XPR1: variants seen among roughly 807,000 people sequenced by gnomAD.
XPR1 encodes xenotropic and polytropic retrovirus receptor 1.
XPR1 carries 28 observed loss-of-function variants against 87.5 expected under a neutral mutation model. The observed-to-expected ratio is 0.32, with a 90% CI of 0.24 to 0.44. XPR1 has a LOEUF of 0.44. Ranked by LOEUF, XPR1 falls within the 20% of genes least tolerant of loss-of-function variation. The probability of loss-of-function intolerance (pLI) is 1.00; values close to 1 mark genes in which losing one functional copy is unlikely to be tolerated. For synonymous variants in XPR1, 300 were observed against 306.1 expected (o/e 0.98, Z 0.21); for missense variants, 559 against 862.3 (o/e 0.65, Z 4.41).
At chr1:180,773,286 A>C (rs1418748956) in intron 2 of XPR1, among the ~76,000 whole-genome samples, 3 of 152,172 alleles carry the variant, frequency 2.0e-5, no homozygotes, top group Non-Finnish European at 4.4e-5. Flanking sequence ...TCATGTATTA[A>C]GGTCCAGAGA....
Position 180,824,922 on chromosome 1 carries a change from G to A in XPR1, c.933G>A (p.Leu311=), listed in dbSNP as rs751413034. The change falls in exon 8 of 15, where the codon TTG becomes TTA. Residue 311 remains leucine (L), a synonymous_variant. Transcript: ENST00000367590. ...LIFELNPRSN[L]SHQHLFEIAG... is the part of the protein sequence containing the mutation. Reference sequence around the variant, plus strand: ...TTGAACTTAATCCGAGAAGCAATTTGTCTCATCAACATCTCTTTGAGGTAA... The same window carrying A: ...TTGAACTTAATCCGAGAAGCAATTTATCTCATCAACATCTCTTTGAGGTAA... The A allele has an allele frequency of 4.3e-6, 7 of 1,613,540 alleles. No individual in the cohort carries two copies. The African/African-American group carries it at 8.0e-5, about 18-fold the overall frequency.
intron 6 of XPR1, among the ~76,000 whole-genome samples, chr1:180,809,539 TTAAG>T (rs1470516988): frequency 6.6e-6 from 1 of 152,188 alleles, no homozygotes; most frequent in Non-Finnish European, 1.5e-5. Context: ...ATTCTATACT[TTAAG>T]TATGTGCAAT....
chr1:180,842,007 T>C (rs757378381), intron 11 of XPR1, among the ~76,000 whole-genome samples: 1 of 152,208 alleles, frequency 6.6e-6, no homozygotes, highest in Non-Finnish European at 1.5e-5. Flanking sequence ...ATTTGATTTC[T>C]GTTATTTTCT....
intron 2 of XPR1, among the ~76,000 whole-genome samples, chr1:180,712,975 T>C (rs570430009): frequency 6.6e-6 from 1 of 151,098 alleles, no homozygotes; most frequent in Admixed American, 6.6e-5. Flanking sequence ...TTTTGTCTAT[T>C]CTAGGTCCTT....
At chr1:180,665,732 G>C (rs1012268262) in intron 1 of XPR1, among the ~76,000 whole-genome samples, 2 of 152,182 alleles carry the variant, frequency 1.3e-5, no homozygotes, top group Admixed American at 6.5e-5. Context: ...CACACTGCTG[G>C]GGTTTGGGGG....
At chr1:180,863,114 T>C (rs1275464576) in intron 11 of XPR1, among the ~76,000 whole-genome samples, 1 of 152,122 alleles carries the variant, frequency 6.6e-6, no homozygotes, top group East Asian at 1.9e-4. Flanking sequence ...AGCTAAAATA[T>C]CATACTTTGC....
chr1:180,753,346 C>T (rs1364671932), intron 2 of XPR1, among the ~76,000 whole-genome samples: 1 of 152,026 alleles, frequency 6.6e-6, no homozygotes, highest in Non-Finnish European at 1.5e-5. Context: ...TGGCGAATCG[C>T]TTGAACTCGG....
intron 3 of XPR1, among the ~76,000 whole-genome samples, chr1:180,797,889 G>A (rs974614067): frequency 6.6e-6 from 1 of 152,076 alleles, no homozygotes; most frequent in Non-Finnish European, 1.5e-5. Context: ...TTACTGAAAC[G>A]CTAAGGGCAT....
intron 1 of XPR1, among the ~76,000 whole-genome samples, chr1:180,656,768 C>G (rs1487321000): frequency 6.9e-6 from 1 of 144,076 alleles, no homozygotes; most frequent in Non-Finnish European, 1.5e-5. Flanking sequence ...GCTTCCAAAT[C>G]TTGGCTATTG....
At chr1:180,705,853 A>G (rs1269991874) in intron 2 of XPR1, among the ~76,000 whole-genome samples, 2 of 152,240 alleles carry the variant, frequency 1.3e-5, no homozygotes, top group Admixed American at 1.3e-4. Context: ...CCTCAGAAGC[A>G]GTTTATTCGC....
At chr1:180,663,975 C>T (rs557081747) in intron 1 of XPR1, among the ~76,000 whole-genome samples, 13 of 152,246 alleles carry the variant, frequency 8.5e-5, no homozygotes, top group Admixed American at 6.5e-4. Flanking sequence ...ATGGCCCAAG[C>T]GCTCTTCATT....
At chr1:180,742,607 G>T (rs1174080863) in intron 2 of XPR1, among the ~76,000 whole-genome samples, 1 of 152,074 alleles carries the variant, frequency 6.6e-6, no homozygotes, top group Non-Finnish European at 1.5e-5. Flanking sequence ...GTATATTCTG[G>T]TGGCGTTCCT....
At chr1:180,713,259 CTG>C (rs1409411476) in intron 2 of XPR1, among the ~76,000 whole-genome samples, 1 of 152,096 alleles carries the variant, frequency 6.6e-6, no homozygotes, top group Non-Finnish European at 1.5e-5. Context: ...GCAAATGATA[CTG>C]TCTTTCCATT....
chr1:180,813,766 A>G lies in XPR1; in HGVS notation c.763+2278A>G, dbSNP rs945099493. The stretch of plus-strand genomic sequence containing the variant: ...TAAGGGTCTATGTAATTGTGCTCAT[A>G]ATAATAACTGAATCATTAATAAAGG... On this transcript the variant is annotated intron_variant, in intron 7 of 14. Coordinates refer to ENST00000367590, the MANE Select transcript of XPR1 (RefSeq NM_004736.4). Among the ~76,000 whole-genome samples, 25 of 152,192 alleles carry G rather than the reference A, an allele frequency of 1.6e-4. 1 individual carries two copies. Among genetic ancestry groups the G allele is most frequent in the African/African-American group, 5.1e-4 (21 of 41,446 alleles).
chr1:180,884,144 C>A lies in XPR1; in HGVS notation c.*78C>A. On this transcript the variant is annotated 3_prime_UTR_variant, in exon 15 of 15. Transcript: ENST00000367590. ...CCTCGACCAACGCAACCTCTAGTAC[C>A]TTTCCAGCCGAAAACAGGAGAAAAC... 2.2e-6 allele frequency: 3 copies of A among 1,343,494 alleles called. No individual in the cohort carries two copies. The highest frequency in any genetic ancestry group is 2.4e-5 in the East Asian group (1 of 41,706). The allele number at this position is 1,343,494 out of a possible 1,614,324, so 83.2% of individuals were successfully genotyped here.
intron 2 of XPR1, among the ~76,000 whole-genome samples, chr1:180,691,349 G>T (rs1016366583): frequency 6.6e-6 from 1 of 152,082 alleles, no homozygotes; most frequent in East Asian, 1.9e-4. Context: ...TCAGTGGAAT[G>T]TATTTTTTAG....
chr1:180,639,166 G>T (rs954405357), intron 1 of XPR1, among the ~76,000 whole-genome samples: 1 of 151,938 alleles, frequency 6.6e-6, no homozygotes, highest in Non-Finnish European at 1.5e-5. Flanking sequence ...GTGTGGTGGC[G>T]TGTGCCTGCT....
intron 2 of XPR1, among the ~76,000 whole-genome samples, chr1:180,704,814 GT>G (rs567903048): frequency 2.6e-3 from 137 of 51,968 alleles, no homozygotes; most frequent in East Asian, 0.011. Context: ...ACTGTTGGTT[GT>G]TTTTTTTTTT....
At chr1:180,826,754 T>G (rs1248838397) in intron 9 of XPR1, among the ~76,000 whole-genome samples, 1 of 152,190 alleles carries the variant, frequency 6.6e-6, no homozygotes, top group Non-Finnish European at 1.5e-5. Context: ...CAGTTCCTAT[T>G]GTTTTTCTTT....
Sources: gnomAD v4.1 joint callset for allele counts (sites outside exome capture counted in the v4.1 genomes callset) on GRCh38, gnomAD v4.1.1 for gene constraint, MANE v1.5 for transcripts, NCBI Gene and HGNC (gene_info 2026-07-23, HGNC 2026-07-21) for gene names.